Variants in ANKRD12 observed in about 807,000 individuals in gnomAD.
ANKRD12 encodes ankyrin repeat domain-containing protein 12.
ANKRD12 carries 85 observed loss-of-function variants against 183.4 expected under a neutral mutation model. The observed-to-expected ratio is 0.46, with a 90% CI of 0.39 to 0.56. ANKRD12 has a LOEUF of 0.56. ANKRD12 is among the 20% of genes least tolerant of loss of function. The pLI is 0.00. For missense variants in ANKRD12, 2,405 were observed against 2,357.1 expected (o/e 1.02, Z -0.42); for synonymous variants, 914 against 800.2 (o/e 1.14, Z -2.40).
rs7243088 is a variant in ANKRD12 at position 9,254,859 on chromosome 18, C to G, written c.1592C>G (p.Thr531Ser). Residue 531 changes from threonine to serine, a missense_variant, in exon 9 of 13, where the codon ACT becomes AGT. Physicochemically the swap from Thr to Ser is moderately conservative, Grantham distance 58. Coordinates refer to ENST00000262126, the MANE Select transcript of ANKRD12 (RefSeq NM_015208.5). Reference protein sequence around the residue: ...FRKSFSPKDDTSLHLFHISTG... With the variant: ...FRKSFSPKDDSSLHLFHISTG... ...AAATCTTTTAGCCCAAAAGATGATA[C>G]TTCATTACATTTATTTCATATTTCC... The G allele has an allele frequency of 0.021, 32,304 of 1,517,200 alleles. 419 individuals are homozygous for G. The highest frequency in any genetic ancestry group is 0.043 in the Admixed American group (1,890 of 43,688). 94.0% of individuals were successfully genotyped at this position (1,517,200 alleles called of 1,614,324 possible).
intron 1 of ANKRD12, among the ~76,000 whole-genome samples, chr18:9,145,940 C>T (rs574005937): frequency 2.5e-4 from 38 of 152,184 alleles, no homozygotes; most frequent in African/African-American, 8.7e-4. Flanking sequence ...TTACCTAAAA[C>T]CAAGATGCAT....
intron 1 of ANKRD12, among the ~76,000 whole-genome samples, chr18:9,152,514 G>A (rs1264926335): frequency 6.6e-6 from 1 of 151,600 alleles, no homozygotes; most frequent in African/African-American, 2.4e-5. Flanking sequence ...ACCGTTTTTG[G>A]TCTTCTTTAG....
At position 9,283,809 on chromosome 18, in the gene ANKRD12, G is replaced by T. The variant is rs1293752597; in HGVS notation, c.*2683G>T. The stretch of plus-strand genomic sequence containing the variant: ...ACTGTTTTTTTACTTAATTTTACTT[G>T]GGCAGCTAGCAAAATTGCAGAAATA... On this transcript the variant is annotated 3_prime_UTR_variant, in exon 13 of 13. Coordinates refer to ENST00000262126, the MANE Select transcript of ANKRD12 (RefSeq NM_015208.5). 6.6e-6 allele frequency: 1 copy of T among 152,450 alleles called. No individual in the cohort carries two copies. Among genetic ancestry groups the T allele is most frequent in the Non-Finnish European group, 1.5e-5 (1 of 68,004 alleles). The allele number at this position is 152,450 out of a possible 1,614,324, so 9.4% of individuals were successfully genotyped here. A position where few individuals can be genotyped will look rare whatever the true frequency, so the allele number is the denominator to read the frequency against.
chr18:9,156,045 G>T (rs917894946), intron 1 of ANKRD12, among the ~76,000 whole-genome samples: 1 of 147,736 alleles, frequency 6.8e-6, no homozygotes, highest in African/African-American at 2.5e-5. Context: ...TAAGGCAGGA[G>T]AATCGCCGCT....
chr18:9,221,911 G>A lies in ANKRD12; in HGVS notation c.855G>A (p.Glu285=), dbSNP rs764947333. ...GNPFQANKHG[E]RPVDVAETEE... ...CATTTCAAGCTAATAAACATGGGGAGCGTCCAGTGGATGTAGCAGAAACAG... is the reference window on the plus strand; with the variant it reads ...CATTTCAAGCTAATAAACATGGGGAACGTCCAGTGGATGTAGCAGAAACAG... Residue 285 remains glutamate, a synonymous_variant, in exon 8 of 13, where the codon GAG becomes GAA. Transcript: ENST00000262126. The A allele has an allele frequency of 1.4e-5, 22 of 1,614,026 alleles. No individual in the cohort carries two copies. Among genetic ancestry groups the A allele is most frequent in the Non-Finnish European group, 1.8e-5 (21 of 1,179,928 alleles).
intron 8 of ANKRD12, among the ~76,000 whole-genome samples, chr18:9,250,881 G>A (rs1302064764): frequency 2.0e-5 from 3 of 152,218 alleles, no homozygotes; most frequent in Non-Finnish European, 4.4e-5. Context: ...GTAAGAGGAA[G>A]CAGTTGTGGA....
In ANKRD12 at chr18:9,176,625, AAAAG is replaced by A. The variant is rs539644528; in HGVS notation, c.-51-5749_-51-5746del. Among the ~76,000 whole-genome samples, 385 of 152,284 alleles carry A rather than the reference AAAAG, an allele frequency of 2.5e-3. 4 individuals carry two copies. The highest frequency in any genetic ancestry group is 4.2e-3 in the Non-Finnish European group (287 of 68,024). On this transcript the variant is annotated intron_variant, in intron 1 of 12. Coordinates refer to ENST00000262126, the MANE Select transcript of ANKRD12 (RefSeq NM_015208.5). ...TTCTTAAGGTGCTTATACTTAAAAA[AAAAG>A]AAAGAAAAAAGGCATCTGTACATCT...
At chr18:9,137,544 G>C (rs2143197864) in intron 1 of ANKRD12, 1 of 149,636 alleles carries the variant, frequency 6.7e-6, no homozygotes, top group South Asian at 2.1e-4. Flanking sequence ...AGCGTGCGCC[G>C]ACGCCGGGGA....
intron 1 of ANKRD12, among the ~76,000 whole-genome samples, chr18:9,160,699 G>C (rs1234656064): frequency 6.6e-6 from 1 of 152,192 alleles, no homozygotes; most frequent in Non-Finnish European, 1.5e-5. Flanking sequence ...CTGGTAACCA[G>C]GGAAGTTTGC....
chr18:9,148,932 T>TCA (rs1396745375), intron 1 of ANKRD12, among the ~76,000 whole-genome samples: 3 of 152,212 alleles, frequency 2.0e-5, no homozygotes, highest in Admixed American at 6.5e-5. Flanking sequence ...CCACTCTGCT[T>TCA]CAGTTTTTTG....
chr18:9,137,297 C>CGCGGG (rs1386658932), intron 1 of ANKRD12, among the ~76,000 whole-genome samples: 29 of 146,514 alleles, frequency 2.0e-4, no homozygotes, highest in South Asian at 4.2e-4. Context: ...GGGGGCGCTG[C>CGCGGG]GCGGGGCGGG....
chr18:9,208,623 T>G, intron 4 of ANKRD12, 34 bp from the exon 5 acceptor site: 3 of 1,576,386 alleles, frequency 1.9e-6, no homozygotes, highest in African/African-American at 2.7e-5. Context: ...CTTGGATTTG[T>G]TTCAAATTCT....
rs754069932 is a variant in ANKRD12, at chr18:9,258,942, T to TCATCACTTG, written c.5664+13_5664+21dup. On this transcript the variant is annotated intron_variant, in intron 9 of 12. Coordinates refer to ENST00000262126, the MANE Select transcript of ANKRD12 (RefSeq NM_015208.5). ...ATTTGTATTCCCACAGTAAGTAACATCATCACTTGCTATACACCTGTAACA... is the reference window on the plus strand; with the variant it reads ...ATTTGTATTCCCACAGTAAGTAACATCATCACTTGCATCACTTGCTATACACCTGTAACA... 35 of 1,590,332 alleles carry TCATCACTTG rather than the reference T, an allele frequency of 2.2e-5. No individual in the cohort carries two copies. Among genetic ancestry groups the TCATCACTTG allele is most frequent in the Middle Eastern group, 3.4e-4 (2 of 5,924 alleles).
At chr18:9,158,453 TAAG>T (rs1555708264) in intron 1 of ANKRD12, among the ~76,000 whole-genome samples, 1 of 152,132 alleles carries the variant, frequency 6.6e-6, no homozygotes, top group Non-Finnish European at 1.5e-5. Context: ...TTGACAGTGT[TAAG>T]GAGTACAGTG....
intron 10 of ANKRD12, among the ~76,000 whole-genome samples, chr18:9,267,011 A>T (rs1238613877): frequency 6.6e-6 from 1 of 152,162 alleles, no homozygotes; most frequent in Non-Finnish European, 1.5e-5. Context: ...AGATCAAAAG[A>T]GACAAAGAAG....
chr18:9,237,277 T>G (rs4798789), intron 8 of ANKRD12, among the ~76,000 whole-genome samples: 120,655 of 152,094 alleles, frequency 0.79, 48,054 homozygotes, highest in Middle Eastern at 0.88. Context: ...AAATGATACA[T>G]GGATGGGGTG....
At chr18:9,180,794 A>G (rs1331344997) in intron 1 of ANKRD12, among the ~76,000 whole-genome samples, 1 of 152,218 alleles carries the variant, frequency 6.6e-6, no homozygotes, top group Non-Finnish European at 1.5e-5. Context: ...CATAGAATCT[A>G]TTTAATATAA....
intron 2 of ANKRD12, among the ~76,000 whole-genome samples, chr18:9,190,508 C>T (rs539274709): frequency 6.6e-6 from 1 of 152,272 alleles, no homozygotes; most frequent in East Asian, 1.9e-4. Flanking sequence ...AAGATTGACT[C>T]CAATTTGAAA....
intron 1 of ANKRD12, among the ~76,000 whole-genome samples, chr18:9,176,633 G>GA (rs2033293687): frequency 6.6e-6 from 1 of 151,808 alleles, no homozygotes; most frequent in African/African-American, 2.4e-5. Flanking sequence ...AAAAAAGAAA[G>GA]AAAAAAGGCA....
Sources: gnomAD v4.1 joint callset for allele counts (sites outside exome capture counted in the v4.1 genomes callset) on GRCh38, gnomAD v4.1.1 for gene constraint, MANE v1.5 for transcripts, NCBI Gene and HGNC (gene_info 2026-07-23, HGNC 2026-07-21) for gene names.